Variants in GABRB1 observed in about 807,000 individuals in gnomAD.
The protein encoded by GABRB1 is gamma-aminobutyric acid receptor subunit beta-1.
A neutral mutation model predicts 51.6 loss-of-function variants in GABRB1; 17 were observed. The ratio of observed to expected loss-of-function variants is 0.33; its 90% CI spans 0.23 to 0.49. The LOEUF (loss-of-function observed/expected upper bound fraction) is 0.49, where lower values mean the gene tolerates loss of function less well. Ranked by LOEUF, GABRB1 falls within the 20% of genes least tolerant of loss-of-function variation. GABRB1 has a pLI of 0.99. For missense variants in GABRB1, 410 were observed against 600.6 expected, an observed-to-expected ratio of 0.68 and a Z score of 3.32; for synonymous variants, 247 against 218.9, an observed-to-expected ratio of 1.13 and a Z score of -1.14.
At chr4:47,177,053 G>A (rs372960736) in intron 4 of GABRB1, among the ~76,000 whole-genome samples, 17 of 152,198 alleles carry the variant, frequency 1.1e-4, no homozygotes, top group African/African-American at 4.1e-4. Context: ...AATATAAGTT[G>A]AGCACAAGGT....
At chr4:47,351,612 A>G (rs1459945990) in intron 5 of GABRB1, among the ~76,000 whole-genome samples, 3 of 125,072 alleles carry the variant, frequency 2.4e-5, no homozygotes, top group East Asian at 2.4e-4. Context: ...TCCTGTGTCC[A>G]TGTGTTCTCA....
intron 4 of GABRB1, among the ~76,000 whole-genome samples, chr4:47,174,478 A>T (rs909343450): frequency 6.6e-6 from 1 of 152,108 alleles, no homozygotes; most frequent in African/African-American, 2.4e-5. Flanking sequence ...ACCCCTCCTC[A>T]CAGTTCTATA....
At chr4:47,099,773 A>G (rs1714641627) in intron 3 of GABRB1, among the ~76,000 whole-genome samples, 1 of 152,060 alleles carries the variant, frequency 6.6e-6, no homozygotes, top group East Asian at 1.9e-4. Context: ...CTGCAAGTGT[A>G]TTCAAAACTG....
intron 3 of GABRB1, among the ~76,000 whole-genome samples, chr4:47,127,146 C>T (rs1389601159): frequency 6.6e-6 from 1 of 151,548 alleles, no homozygotes; most frequent in African/African-American, 2.4e-5. Flanking sequence ...GTCTAATTTC[C>T]TAATTATAGT....
At chr4:47,158,267 G>A (rs568724299) in intron 3 of GABRB1, among the ~76,000 whole-genome samples, 1 of 151,812 alleles carries the variant, frequency 6.6e-6, no homozygotes, top group South Asian at 2.1e-4. Context: ...GTGTTATTTT[G>A]CCATTTTTAA....
Position 47,403,342 on chromosome 4 carries a change from A to G in GABRB1, c.569A>G (p.Glu190Gly), listed in dbSNP as rs748244755. 3 of 1,613,908 alleles carry G rather than the reference A, an allele frequency of 1.9e-6. No individual in the cohort carries two copies. The South Asian group carries it at 3.3e-5, about 18-fold the overall frequency. ...GATGGCTATACCACTGATGACATTG[A>G]ATTTTACTGGAATGGAGGAGAAGGG... The part of the protein sequence containing the change: ...ESYGYTTDDI[E>G]FYWNGGEGAV... Residue 190 changes from glutamate to glycine, a missense_variant, in exon 6 of 9, where the codon GAA becomes GGA. Physicochemically the swap from Glu to Gly is moderately conservative, Grantham distance 98. Transcript: ENST00000295454.
intron 4 of GABRB1, among the ~76,000 whole-genome samples, chr4:47,178,477 G>C (rs989531890): frequency 2.6e-5 from 4 of 152,030 alleles, no homozygotes; most frequent in Non-Finnish European, 4.4e-5. Flanking sequence ...TGTACGTGCT[G>C]AGACTTTTGT....
At chr4:47,317,500 A>G (rs1197204719) in intron 4 of GABRB1, among the ~76,000 whole-genome samples, 2 of 152,044 alleles carry the variant, frequency 1.3e-5, no homozygotes, top group South Asian at 2.1e-4. Context: ...CAAAAGATAC[A>G]CTTAATAAAG....
At chr4:47,070,995 C>A (rs1321371634) in intron 3 of GABRB1, among the ~76,000 whole-genome samples, 2 of 152,170 alleles carry the variant, frequency 1.3e-5, no homozygotes, top group African/African-American at 2.4e-5. Flanking sequence ...TTATTCCCAG[C>A]CGCTACTGTG....
intron 5 of GABRB1, 23 bp from the exon 6 acceptor site, chr4:47,403,295 C>T (rs762333066): frequency 7.5e-6 from 12 of 1,610,368 alleles, no homozygotes; most frequent in South Asian, 6.6e-5. Flanking sequence ...TTTGTTTAAC[C>T]GTGCTGTTTT....
At chr4:47,223,140 T>C (rs868176542) in intron 4 of GABRB1, among the ~76,000 whole-genome samples, 2 of 152,128 alleles carry the variant, frequency 1.3e-5, no homozygotes, top group African/African-American at 4.8e-5. Flanking sequence ...TGAATGTTTT[T>C]TCTTCTTTTT....
At chr4:47,087,298 G>C (rs754866694) in intron 3 of GABRB1, among the ~76,000 whole-genome samples, 1 of 151,818 alleles carries the variant, frequency 6.6e-6, no homozygotes, top group Non-Finnish European at 1.5e-5. Flanking sequence ...TTTGTGAAAT[G>C]TTAACCGTGA....
intron 3 of GABRB1, among the ~76,000 whole-genome samples, chr4:47,104,177 G>C (rs995325928): frequency 6.6e-6 from 1 of 151,572 alleles, no homozygotes; most frequent in African/African-American, 2.4e-5. Flanking sequence ...TAGAAGTATA[G>C]GATGACAGGT....
intron 4 of GABRB1, among the ~76,000 whole-genome samples, chr4:47,319,890 T>G (rs1216984076): frequency 2.0e-5 from 3 of 152,244 alleles, no homozygotes; most frequent in African/African-American, 4.8e-5. Flanking sequence ...GATTTCTATT[T>G]ATTATTGACA....
chr4:47,026,249 C>T (rs1003583754), intron 1 of GABRB1, among the ~76,000 whole-genome samples: 2 of 151,950 alleles, frequency 1.3e-5, no homozygotes, highest in Admixed American at 6.6e-5. Context: ...CAGTTTGTAT[C>T]ACTTATTGTT....
At chr4:47,184,452 A>G (rs1356921765) in intron 4 of GABRB1, among the ~76,000 whole-genome samples, 1 of 151,952 alleles carries the variant, frequency 6.6e-6, no homozygotes, top group Non-Finnish European at 1.5e-5. Context: ...TCTCCCAAAA[A>G]ACAATAAAAC....
chr4:47,031,437 G>A (rs1443925765), upstream of GABRB1: 5 of 570,408 alleles, frequency 8.8e-6, no homozygotes, highest in African/African-American at 9.4e-5. Flanking sequence ...CTGACTACCC[G>A]GAGGACATGG....
intron 3 of GABRB1, chr4:47,032,975 T>A (rs1043377041): frequency 1.2e-5 from 4 of 343,640 alleles, no homozygotes; most frequent in Non-Finnish European, 2.3e-5. Flanking sequence ...CAAAGTGTCC[T>A]CTCTCTCCAG....
At chr4:47,410,653 A>G (rs1728731830) in intron 8 of GABRB1, among the ~76,000 whole-genome samples, 1 of 152,222 alleles carries the variant, frequency 6.6e-6, no homozygotes, top group East Asian at 1.9e-4. Flanking sequence ...CTACAAATGT[A>G]CAAATGTACA....
Sources: gnomAD v4.1 joint callset for allele counts (sites outside exome capture counted in the v4.1 genomes callset) on GRCh38, gnomAD v4.1.1 for gene constraint, MANE v1.5 for transcripts, NCBI Gene and HGNC (gene_info 2026-07-23, HGNC 2026-07-21) for gene names.